Variants in AGBL1 observed in about 807,000 individuals in gnomAD.
AGBL1 encodes cytosolic carboxypeptidase 4.
A neutral mutation model predicts 118.9 loss-of-function variants in AGBL1; 130 were observed. The observed-to-expected ratio is 1.09, with a 90% confidence interval of 0.95 to 1.26. The LOEUF is 1.26. AGBL1 is among the 50% of genes most tolerant of loss of function. The probability of loss-of-function intolerance (pLI) is 0.00; values close to 1 mark genes in which losing one functional copy is unlikely to be tolerated. For synonymous variants in AGBL1, 555 were observed against 478.9 expected, an observed-to-expected ratio of 1.16 and a Z score of -2.08; for missense variants, 1,584 against 1,298.1, an observed-to-expected ratio of 1.22 and a Z score of -3.38.
chr15:86,615,576 G>A lies in AGBL1; in HGVS notation c.2995-58697G>A, dbSNP rs879534197. 9.2e-5 allele frequency among the ~76,000 whole-genome samples: 14 copies of A among 152,192 alleles called. No homozygotes were observed. The highest frequency in any genetic ancestry group is 1.6e-4 in the Non-Finnish European group (11 of 68,034). On this transcript the variant is annotated intron_variant, in intron 21 of 22. Coordinates refer to ENST00000614907, the MANE Select transcript of AGBL1 (RefSeq NM_001386094.1). This position sits in a 1 kb window ranked among gnomAD's most constrained non-coding sequence, Gnocchi z 4.3. ...GCCATCCCGGTGGAGATGGCACAGT[G>A]GAGAAGGCAATAAACCTTCCATGGA... is the stretch of plus-strand genomic sequence containing the variant.
intron 18 of AGBL1, among the ~76,000 whole-genome samples, chr15:86,432,394 T>C (rs1431026386): frequency 6.6e-6 from 1 of 152,122 alleles, no homozygotes; most frequent in Non-Finnish European, 1.5e-5. Flanking sequence ...TTTTGAGGAG[T>C]CCTGGTCAGA....
intron 22 of AGBL1, among the ~76,000 whole-genome samples, chr15:86,864,452 A>C (rs1263129408): frequency 6.6e-6 from 1 of 152,186 alleles, no homozygotes; most frequent in Non-Finnish European, 1.5e-5. Flanking sequence ...AGTTAAGAGA[A>C]TTTTAATACC....
chr15:86,367,557 C>A (rs768132321), intron 17 of AGBL1, among the ~76,000 whole-genome samples: 7 of 151,558 alleles, frequency 4.6e-5, no homozygotes, highest in African/African-American at 1.7e-4. Flanking sequence ...CTTGCCTGAA[C>A]CACATGGGCT....
At chr15:86,871,002 G>A (rs568853891) in intron 22 of AGBL1, among the ~76,000 whole-genome samples, 1 of 152,292 alleles carries the variant, frequency 6.6e-6, no homozygotes, top group Non-Finnish European at 1.5e-5. Flanking sequence ...AACTGCTTAG[G>A]GATAGTAACT....
rs1024152678 is a variant in AGBL1 at position 86,244,409 on chromosome 15, C to G, written c.527-3262C>G. Among the ~76,000 whole-genome samples the G allele has an allele frequency of 3.3e-5, 5 of 152,326 alleles. No individual in the cohort carries two copies. In the South Asian group the frequency reaches 1.0e-3, roughly 32 times the overall value. ...CCCTCATTTCATTCTTTGCTCTTCT[C>G]CACATTTGCTCTTTCTCAGTTTGAT... On this transcript the variant is annotated intron_variant, in intron 6 of 22. Transcript: ENST00000614907.
At chr15:86,273,461 T>A (rs1455982471) in intron 15 of AGBL1, among the ~76,000 whole-genome samples, 1 of 152,234 alleles carries the variant, frequency 6.6e-6, no homozygotes, top group Non-Finnish European at 1.5e-5. Context: ...CACGTTGTGT[T>A]AACATATTCC....
At chr15:86,659,150 C>T (rs1004548401) in intron 21 of AGBL1, among the ~76,000 whole-genome samples, 1 of 152,144 alleles carries the variant, frequency 6.6e-6, no homozygotes, top group Non-Finnish European at 1.5e-5. Context: ...TTTCTAGATT[C>T]TTGATCTTTT....
chr15:86,463,103 G>T (rs1340095686), intron 18 of AGBL1, among the ~76,000 whole-genome samples: 2 of 152,130 alleles, frequency 1.3e-5, no homozygotes, highest in Non-Finnish European at 2.9e-5. Context: ...AGCACCTGTT[G>T]TTTCCTGACT....
At chr15:86,619,101 A>G (rs1007479393) in intron 21 of AGBL1, among the ~76,000 whole-genome samples, 4 of 151,900 alleles carry the variant, frequency 2.6e-5, no homozygotes, top group African/African-American at 9.7e-5. Context: ...CTCTTTATTC[A>G]CTCATTCATT....
chr15:86,144,624 G>A (rs1204711354), intron 3 of AGBL1, among the ~76,000 whole-genome samples: 2 of 152,108 alleles, frequency 1.3e-5, no homozygotes, highest in African/African-American at 2.4e-5. Flanking sequence ...AGAACATATG[G>A]ACACACAGAG....
intron 5 of AGBL1, among the ~76,000 whole-genome samples, chr15:86,168,243 G>A (rs1270646593): frequency 6.6e-6 from 1 of 152,160 alleles, no homozygotes; most frequent in Non-Finnish European, 1.5e-5. Context: ...ATATTTAAGA[G>A]GGAGGGTTTC....
At chr15:86,817,648 GAC>G (rs199984645) in intron 22 of AGBL1, among the ~76,000 whole-genome samples, 6,486 of 144,048 alleles carry the variant, frequency 0.045, 476 homozygotes, top group East Asian at 0.29. Context: ...CACACACACA[GAC>G]ACACACACAC....
intron 21 of AGBL1, among the ~76,000 whole-genome samples, chr15:86,582,695 G>A (rs2084187155): frequency 6.6e-6 from 1 of 152,122 alleles, no homozygotes; most frequent in African/African-American, 2.4e-5. Context: ...AAAAGGATGA[G>A]TTCATGTCCT....
At chr15:86,195,020 T>C (rs2077779580) in intron 5 of AGBL1, among the ~76,000 whole-genome samples, 1 of 152,174 alleles carries the variant, frequency 6.6e-6, no homozygotes, top group African/African-American at 2.4e-5. Flanking sequence ...GCATGAGTGA[T>C]TTACTTCTTC....
At chr15:87,001,533 T>C (rs2141760572) in intron 24 of AGBL1, among the ~76,000 whole-genome samples, 1 of 152,214 alleles carries the variant, frequency 6.6e-6, no homozygotes. Flanking sequence ...TTTCTAGTTC[T>C]AGATCCTTGA....
rs374527039 is a variant in AGBL1 at position 86,248,083 on chromosome 15, C to T, written c.735+204C>T. 1.4e-4 allele frequency among the ~76,000 whole-genome samples: 21 copies of T among 152,236 alleles called. No individual in the cohort carries two copies. In the East Asian group the frequency reaches 1.7e-3, roughly 13 times the overall value. ...CTGTAATCTCAGCACTTTGGGAGGC[C>T]GAGGCAGGTGATCACCTGAAGTCAG... On this transcript the variant is annotated intron_variant, in intron 7 of 22. Transcript: ENST00000614907.
At chr15:86,649,209 G>C (rs1410380303) in intron 21 of AGBL1, among the ~76,000 whole-genome samples, 3 of 152,172 alleles carry the variant, frequency 2.0e-5, no homozygotes, top group Non-Finnish European at 2.9e-5. Context: ...AGTAACAGGA[G>C]AAAGGCAGAG....
At chr15:87,016,114 C>T (rs1399336479) in intron 24 of AGBL1, among the ~76,000 whole-genome samples, 1 of 152,186 alleles carries the variant, frequency 6.6e-6, no homozygotes, top group Non-Finnish European at 1.5e-5. Flanking sequence ...TAATTTAATG[C>T]TTTCCATATC....
intron 21 of AGBL1, among the ~76,000 whole-genome samples, chr15:86,582,936 C>A (rs1044127088): frequency 2.0e-5 from 3 of 151,818 alleles, no homozygotes; most frequent in Non-Finnish European, 4.4e-5. Flanking sequence ...GGGTGCAGCA[C>A]ACCAACATGG....
Sources: gnomAD v4.1 joint callset for allele counts (sites outside exome capture counted in the v4.1 genomes callset) on GRCh38, gnomAD v4.1.1 for gene constraint, Gnocchi (gnomAD v3.1) non-coding constraint, MANE v1.5 for transcripts, NCBI Gene and HGNC (gene_info 2026-07-23, HGNC 2026-07-21) for gene names.